The following RTL1 variants were observed in gnomAD, a reference collection of about 807,000 sequenced individuals.
RTL1 encodes the protein retrotransposon Gag like 1.
For missense variants in RTL1, 1,681 were observed against 1,767.5 expected, an observed-to-expected ratio of 0.95 and a Z score of 0.88; for synonymous variants, 727 against 748.4, an observed-to-expected ratio of 0.97 and a Z score of 0.47.
chr14:100,891,571 T>C (rs926771053), intron 3 of RTL1, among the ~76,000 whole-genome samples: 1 of 152,202 alleles, frequency 6.6e-6, no homozygotes, highest in African/African-American at 2.4e-5. Flanking sequence ...CTGCCCCCTC[T>C]ATGCTTGACT....
In RTL1 at chr14:100,883,105, G is replaced by C. The variant is rs2038642506; in HGVS notation, c.1684C>G (p.Leu562Val). ...LPGLPHPYSD[L>V]ADVFNPKEAD... The stretch of plus-strand genomic sequence containing the variant: ...TCCTTCGGGTTAAACACGTCGGCCA[G>C]GTCTGAGTATGGGTGTGGCAGTCCG... The change falls in exon 4 of 4, where the codon CTG becomes GTG. Residue 562 changes from leucine to valine, a missense_variant. By Grantham distance (32) the Leu-to-Val change is conservative. Coordinates refer to ENST00000649591, the MANE Select transcript of RTL1 (RefSeq NM_001134888.3). The surrounding 1 kb of genome is among the most constrained non-coding windows in gnomAD (Gnocchi z 5.9). 6.2e-7 allele frequency: 1 copy of C among 1,613,348 alleles called. No homozygotes were observed. Among genetic ancestry groups the C allele is most frequent in the Admixed American group, 1.7e-5 (1 of 59,928 alleles).
chr14:100,888,356 A>G (rs1422383196), intron 3 of RTL1, among the ~76,000 whole-genome samples: 2 of 152,250 alleles, frequency 1.3e-5, no homozygotes, highest in African/African-American at 2.4e-5. Flanking sequence ...TGTAACATAA[A>G]GTCCCAACTA....
intron 2 of RTL1, among the ~76,000 whole-genome samples, chr14:100,900,068 C>T (rs2038921363): frequency 6.6e-6 from 1 of 152,212 alleles, no homozygotes. Context: ...AATCGGGTTT[C>T]CCGAAAAGTT....
intron 3 of RTL1, among the ~76,000 whole-genome samples, chr14:100,885,425 T>C (rs2038684234): frequency 6.6e-6 from 1 of 152,132 alleles, no homozygotes; most frequent in South Asian, 2.1e-4. Flanking sequence ...AATGGGCACT[T>C]GGCCACTGTC....
At position 100,882,000 on chromosome 14, in the gene RTL1, G is replaced by T; in HGVS notation, c.2789C>A (p.Ala930Asp). 6.2e-7 allele frequency: 1 copy of T among 1,613,662 alleles called. No individual in the cohort carries two copies. The highest frequency in any genetic ancestry group is 1.1e-5 in the South Asian group (1 of 91,046). ...AEMKILPIRA[A>D]FMVWCRYLEN... The stretch of plus-strand genomic sequence containing the variant: ...CAGGTAGCGGCACCACACCATGAAG[G>T]CAGCCCGTATTGGAAGAATCTTCAT... Residue 930 changes from alanine to aspartate, a missense_variant, in exon 4 of 4, where the codon GCC (alanine) becomes GAC (aspartate). Transcript: ENST00000649591. This position sits in a 1 kb window ranked among gnomAD's most constrained non-coding sequence, Gnocchi z 6.6.
chr14:100,898,471 C>A (rs781447076), intron 2 of RTL1, among the ~76,000 whole-genome samples: 1 of 152,242 alleles, frequency 6.6e-6, no homozygotes, highest in Non-Finnish European at 1.5e-5. Context: ...AGTGATCTTT[C>A]TAAAATGGCA....
rs573755840 is a variant in RTL1, at chr14:100,880,686, T to A, written c.*26A>T. 574 of 1,547,182 alleles carry A rather than the reference T, an allele frequency of 3.7e-4. 6 individuals carry two copies. In the South Asian group the frequency reaches 6.6e-3, roughly 18 times the overall value. On this transcript the variant is annotated 3_prime_UTR_variant, in exon 4 of 4. Transcript: ENST00000649591. ...TGTTGGGGTGAGAAATAGAGGGGAC[T>A]CTTTGCTGGAGACAGGGAGGCGTCT...
At position 100,884,658 on chromosome 14, in the gene RTL1, T is replaced by C. The variant is rs2038672134; in HGVS notation, c.131A>G (p.Glu44Gly). Residue 44 changes from glutamate to glycine, a missense_variant, in exon 4 of 4, where the codon GAG (glutamate) becomes GGG (glycine). Coordinates refer to ENST00000649591, the MANE Select transcript of RTL1 (RefSeq NM_001134888.3). ...GGCTGGGCCGCTGGCTGGCCCTGCC[T>C]CTCCCCGCACTCCACTGCCCGACGT... Reference protein sequence around the residue: ...EATSGSGVRGEAGPASGPAQE... With the variant: ...EATSGSGVRGGAGPASGPAQE... 1.2e-6 allele frequency: 2 copies of C among 1,613,594 alleles called. No individual in the cohort carries two copies. The highest frequency in any genetic ancestry group is 1.3e-5 in the African/African-American group (1 of 75,002).
intron 3 of RTL1, among the ~76,000 whole-genome samples, chr14:100,891,595 G>T (rs941818663): frequency 6.6e-6 from 1 of 152,226 alleles, no homozygotes; most frequent in East Asian, 1.9e-4. Context: ...AGCTCCAGGG[G>T]GCAGCTGTAT....
At chr14:100,897,763 T>TGGGGGGGGGGGGGGGGGGGGGGGGGGGG (rs1566760864) in intron 2 of RTL1, 1 of 26,742 alleles carries the variant, frequency 3.7e-5, no homozygotes, top group African/African-American at 1.9e-4. Flanking sequence ...GGGGGGGGGG[T>TGGGGGGGGGGGGGGGGGGGGGGGGGGGG]GGGGGGGTGG....
chr14:100,880,654 C>T lies in RTL1; in HGVS notation c.*58G>A, dbSNP rs577063309. ...GAGGCGCGGGGAGGCCAGGGGACGT[C>T]GGGAGGTGTTGGGGTGAGAAATAGA... On this transcript the variant is annotated 3_prime_UTR_variant, in exon 4 of 4. Transcript: ENST00000649591. 1,411 of 1,543,052 alleles carry T rather than the reference C, an allele frequency of 9.1e-4. 1 individual carries two copies. The highest frequency in any genetic ancestry group is 1.0e-3 in the Non-Finnish European group (1,182 of 1,143,540).
intron 2 of RTL1, among the ~76,000 whole-genome samples, chr14:100,902,956 C>T (rs967037189): frequency 1.3e-5 from 2 of 152,158 alleles, no homozygotes; most frequent in Non-Finnish European, 2.9e-5. Context: ...GGAACCTCTC[C>T]TGGCAGAGTC....
intron 2 of RTL1, chr14:100,897,633 T>G (rs2038878465): frequency 6.4e-6 from 1 of 155,304 alleles, no homozygotes; most frequent in Non-Finnish European, 1.4e-5. Context: ...TTAGAGATAA[T>G]AAAGATCAAC....
Position 100,881,229 on chromosome 14 carries a change from T to C in RTL1, c.3560A>G (p.Gln1187Arg). The stretch of plus-strand genomic sequence containing the variant: ...CGTCAGCCAGAAGCCAGGGGTGAAC[T>C]GCAGGCCTCGGTGGGCCTGGGAGTG... ...ALHSQAHRGL[Q>R]FTPGFWLTLC... The change falls in exon 4 of 4, where the codon CAG (glutamine) becomes CGG (arginine). Residue 1187 changes from glutamine (Q) to arginine (R), a missense_variant. Gln to Arg is a conservative substitution (Grantham distance 43, BLOSUM62 1). Coordinates refer to ENST00000649591, the MANE Select transcript of RTL1 (RefSeq NM_001134888.3). The surrounding 1 kb of genome is among the most constrained non-coding windows in gnomAD (Gnocchi z 6.6). 1 of 1,547,192 alleles carries C rather than the reference T, an allele frequency of 6.5e-7. No individual in the cohort carries two copies. Among genetic ancestry groups the C allele is most frequent in the Non-Finnish European group, 8.7e-7 (1 of 1,145,070 alleles).
At position 100,883,582 on chromosome 14, in the gene RTL1, C is replaced by T. The variant is rs2140036849; in HGVS notation, c.1207G>A (p.Asp403Asn). The T allele has an allele frequency of 6.4e-7, 1 of 1,551,438 alleles. No homozygotes were observed. Among genetic ancestry groups the T allele is most frequent in the African/African-American group, 1.4e-5 (1 of 73,158 alleles). ...SSWLPSEVHP[D>N]INRAHLFLLL... Reference sequence around the variant, plus strand: ...AGGAAGAGGTGGGCGCGATTGATGTCCGGATGGACTTCGCTGGGCAACCAG... The same window carrying T: ...AGGAAGAGGTGGGCGCGATTGATGTTCGGATGGACTTCGCTGGGCAACCAG... Residue 403 changes from aspartate to asparagine, a missense_variant, in exon 4 of 4, where the codon GAC becomes AAC. Physicochemically the swap from Asp to Asn is conservative, Grantham distance 23. Coordinates refer to ENST00000649591, the MANE Select transcript of RTL1 (RefSeq NM_001134888.3). This position sits in a 1 kb window ranked among gnomAD's most constrained non-coding sequence, Gnocchi z 5.9.
In RTL1 at chr14:100,893,699, A is replaced by G. The variant is rs927502418; in HGVS notation, c.-148-194T>C. On this transcript the variant is annotated intron_variant, in intron 2 of 3. Transcript: ENST00000649591. This position sits in a 1 kb window ranked among gnomAD's most constrained non-coding sequence, Gnocchi z 4.2. ...CCTCCGTGATGCTTCCTGAGTGCTT[A>G]CTATGCGCCAAGCGCTGCTTTCACC... Among the ~76,000 whole-genome samples the G allele has an allele frequency of 1.3e-5, 2 of 152,288 alleles. No individual in the cohort carries two copies. The highest frequency in any genetic ancestry group is 2.9e-5 in the Non-Finnish European group (2 of 68,030).
In RTL1 at chr14:100,884,610, C is replaced by T; in HGVS notation, c.179G>A (p.Ser60Asn). 1.9e-6 allele frequency: 3 copies of T among 1,613,846 alleles called. No homozygotes were observed. The highest frequency in any genetic ancestry group is 2.5e-6 in the Non-Finnish European group (3 of 1,179,864). ...CTCTTCCATTTCCTGGAGTGGGCCA[C>T]TGGGGGGCTCCTTCTTTTCCTGGGC... ...GPAQEKKEPP[S>N]GPLQEMEELP... Residue 60 changes from serine (S) to asparagine (N), a missense_variant, in exon 4 of 4, where the codon AGT becomes AAT. Physicochemically the swap from Ser to Asn is conservative, Grantham distance 46. Coordinates refer to ENST00000649591, the MANE Select transcript of RTL1 (RefSeq NM_001134888.3).
At chr14:100,891,369 G>A (rs2140047156) in intron 3 of RTL1, among the ~76,000 whole-genome samples, 1 of 152,286 alleles carries the variant, frequency 6.6e-6, no homozygotes, top group Non-Finnish European at 1.5e-5. Context: ...TCGTAGTGAT[G>A]GGGAAACTGA....
At chr14:100,889,084 T>A (rs1214847511) in intron 3 of RTL1, among the ~76,000 whole-genome samples, 1 of 152,194 alleles carries the variant, frequency 6.6e-6, no homozygotes, top group Non-Finnish European at 1.5e-5. Flanking sequence ...ATCATCACAT[T>A]TCTTAAAACC....
Sources: allele counts gnomAD v4.1 joint callset (sites outside exome capture counted in the v4.1 genomes callset), GRCh38; gene constraint gnomAD v4.1.1; non-coding constraint Gnocchi (gnomAD v3.1); transcripts MANE v1.5; gene names NCBI Gene and HGNC (gene_info 2026-07-23, HGNC 2026-07-21).